COL5A2: variants seen among roughly 807,000 people sequenced by gnomAD.
COL5A2 encodes the protein collagen type V alpha 2 chain.
In COL5A2, 23 loss-of-function variants were observed where a neutral mutation model predicts 208.2. The observed-to-expected ratio is 0.11, with a 90% CI of 0.08 to 0.16. COL5A2 has a LOEUF of 0.16. Among genes scored for constraint, COL5A2 ranks in the 10% least tolerant of loss-of-function variants. The pLI is 1.00. For missense variants in COL5A2, 1,590 were observed against 1,956.4 expected, an observed-to-expected ratio of 0.81 and a Z score of 3.53; for synonymous variants, 625 against 628.5, an observed-to-expected ratio of 0.99 and a Z score of 0.08.
chr2:189,220,973 C>T (rs1476346954), intron 1 of COL5A2, among the ~76,000 whole-genome samples: 1 of 152,258 alleles, frequency 6.6e-6, no homozygotes, highest in South Asian at 2.1e-4. Context: ...TGTTCACTGT[C>T]ATATCTCCAG....
the COL5A2 span, among the ~76,000 whole-genome samples, chr2:189,336,673 C>T: frequency 9.1e-4 from 138 of 152,108 alleles, 1 homozygote; most frequent in Non-Finnish European, 1.6e-3. Flanking sequence ...AAAACTAATC[C>T]ATGTTGTCTC....
chr2:189,370,866 T>TA, the COL5A2 span, among the ~76,000 whole-genome samples: 203 of 151,874 alleles, frequency 1.3e-3, no homozygotes, highest in African/African-American at 4.0e-3. Flanking sequence ...TAGTATGTGC[T>TA]AAAAAAAAGG....
At chr2:189,097,073 C>T (rs2105682513) in intron 6 of COL5A2, among the ~76,000 whole-genome samples, 1 of 152,282 alleles carries the variant, frequency 6.6e-6, no homozygotes, top group East Asian at 1.9e-4. Context: ...TTAAGTTCTA[C>T]TTTATTTTGA....
chr2:189,206,594 C>A (rs1189885579), intron 1 of COL5A2, among the ~76,000 whole-genome samples: 1 of 152,124 alleles, frequency 6.6e-6, no homozygotes, highest in Non-Finnish European at 1.5e-5. Flanking sequence ...AGGACTAGGG[C>A]CAAGTCTGAA....
intron 1 of COL5A2, among the ~76,000 whole-genome samples, chr2:189,210,319 C>T (rs554726769): frequency 2.0e-5 from 3 of 151,630 alleles, no homozygotes; most frequent in East Asian, 1.9e-4. Flanking sequence ...CTCCTTAGAA[C>T]GCTTTGGCCG....
At chr2:189,352,558 G>C in the COL5A2 span, among the ~76,000 whole-genome samples, 1 of 152,156 alleles carries the variant, frequency 6.6e-6, no homozygotes, top group Admixed American at 6.5e-5. Flanking sequence ...GTGATGGTAA[G>C]CTTTTTTTCG....
At chr2:189,347,694 T>C in the COL5A2 span, among the ~76,000 whole-genome samples, 1 of 152,210 alleles carries the variant, frequency 6.6e-6, no homozygotes. Flanking sequence ...TTAAGATTCC[T>C]GCCAAACCAC....
chr2:189,285,148 A>T, the COL5A2 span, among the ~76,000 whole-genome samples: 1 of 148,158 alleles, frequency 6.7e-6, no homozygotes, highest in East Asian at 2.0e-4. Flanking sequence ...TTTATGAAGG[A>T]AGAAAGATAA....
chr2:189,172,687 C>G (rs1330991890), intron 1 of COL5A2, among the ~76,000 whole-genome samples: 1 of 152,070 alleles, frequency 6.6e-6, no homozygotes, highest in Non-Finnish European at 1.5e-5. Flanking sequence ...ACTACATAGA[C>G]TACAACGAGG....
rs78854855 is a variant in COL5A2 at position 189,034,847 on chromosome 2, G to A, written c.4353+69C>T. 3.6e-3 allele frequency: 5,747 copies of A among 1,592,874 alleles called. 172 individuals are homozygous for A. The African/African-American group carries it at 0.062, about 17-fold the overall frequency. ...TAAAATTGCCCCCAGTTCTAGTGCT[G>A]TAATAGTATTTTTAACAAAAATAAT... On this transcript the variant is annotated intron_variant, in intron 53 of 53. Transcript: ENST00000374866.
chr2:189,066,171 T>C (rs1282261584), intron 23 of COL5A2, among the ~76,000 whole-genome samples: 1 of 152,270 alleles, frequency 6.6e-6, no homozygotes, highest in Non-Finnish European at 1.5e-5. Context: ...CAAGCACAGA[T>C]GGCTCAAATT....
the COL5A2 span, among the ~76,000 whole-genome samples, chr2:189,355,187 G>A: frequency 6.6e-6 from 1 of 152,162 alleles, no homozygotes; most frequent in South Asian, 2.1e-4. Context: ...GCTGAGGAGT[G>A]TTTTACTTCC....
At chr2:189,045,338 A>ATGTGTG in intron 46 of COL5A2, 106 bp from the exon 47 acceptor site, 1 of 707,098 alleles carries the variant, frequency 1.4e-6, no homozygotes, top group South Asian at 1.7e-5. Flanking sequence ...GCATATATAT[A>ATGTGTG]TATGTGTGTG....
chr2:189,245,221 T>G, the COL5A2 span, among the ~76,000 whole-genome samples: 1 of 152,156 alleles, frequency 6.6e-6, no homozygotes, highest in Admixed American at 6.5e-5. Flanking sequence ...AGAGCAGTGT[T>G]CACGCTTTTT....
intron 12 of COL5A2, among the ~76,000 whole-genome samples, chr2:189,081,891 A>G (rs1686542589): frequency 6.6e-6 from 1 of 152,208 alleles, no homozygotes; most frequent in African/African-American, 2.4e-5. Flanking sequence ...TTAATTATTT[A>G]CTTATTATTA....
intron 6 of COL5A2, among the ~76,000 whole-genome samples, chr2:189,094,352 T>C (rs1195525813): frequency 2.0e-5 from 3 of 152,130 alleles, no homozygotes; most frequent in Admixed American, 6.6e-5. Context: ...TCTATTTTTA[T>C]ATCTCCAAGT....
chr2:189,170,996 G>A (rs1387435620), intron 1 of COL5A2, among the ~76,000 whole-genome samples: 1 of 152,180 alleles, frequency 6.6e-6, no homozygotes, highest in Non-Finnish European at 1.5e-5. Flanking sequence ...CTGCATGGCA[G>A]AGGTGTACTG....
At chr2:189,066,915 T>A (rs908852910) in intron 21 of COL5A2, 133 bp from the exon 22 acceptor site, 1 of 704,238 alleles carries the variant, frequency 1.4e-6, no homozygotes, top group Non-Finnish European at 2.6e-6. Context: ...TATAATATAA[T>A]CATTTTTAAA....
chr2:189,174,849 T>G (rs62182454), intron 1 of COL5A2, among the ~76,000 whole-genome samples: 27,341 of 152,142 alleles, frequency 0.18, 2,859 homozygotes, highest in Non-Finnish European at 0.23. Context: ...TAGAAAGAGA[T>G]ATACTCTTCA....
Sources: allele counts gnomAD v4.1 joint callset (sites outside exome capture counted in the v4.1 genomes callset), GRCh38; gene constraint gnomAD v4.1.1; transcripts MANE v1.5; gene names NCBI Gene and HGNC (gene_info 2026-07-23, HGNC 2026-07-21).